The following APC variants were observed in gnomAD, a reference collection of about 807,000 sequenced individuals.
APC encodes the protein adenomatous polyposis coli protein.
A neutral mutation model predicts 247.0 loss-of-function variants in APC; 72 were observed. The ratio of observed to expected loss-of-function variants is 0.29; its 90% CI spans 0.24 to 0.35. APC has a LOEUF of 0.35. Ranked by LOEUF, APC falls within the 10% of genes least tolerant of loss-of-function variation. The probability of loss-of-function intolerance (pLI) is 1.00; values close to 1 mark genes in which losing one functional copy is unlikely to be tolerated. For missense variants in APC, 3,400 were observed against 3,360.7 expected, an observed-to-expected ratio of 1.01 and a Z score of -0.29; for synonymous variants, 1,254 against 1,162.5, an observed-to-expected ratio of 1.08 and a Z score of -1.60.
At chr5:112,797,533 A>G (rs1009241128) in intron 7 of APC, among the ~76,000 whole-genome samples, 2 of 152,222 alleles carry the variant, frequency 1.3e-5, no homozygotes, top group Non-Finnish European at 2.9e-5. Flanking sequence ...ATTATTACAC[A>G]TGATTCAAAA....
chr5:112,719,636 G>A (rs1033198499), intron 1 of APC, among the ~76,000 whole-genome samples: 3 of 151,682 alleles, frequency 2.0e-5, no homozygotes, highest in African/African-American at 7.3e-5. Flanking sequence ...CCAGGTTCAG[G>A]CAATTCTCCT....
chr5:112,747,247 GA>G (rs397792774), intron 1 of APC, among the ~76,000 whole-genome samples: 1 of 151,844 alleles, frequency 6.6e-6, no homozygotes, highest in South Asian at 2.1e-4. Flanking sequence ...CTTGAGGGGG[GA>G]AAACCCTGGA....
At chr5:112,725,137 G>A (rs1230204871) in intron 1 of APC, among the ~76,000 whole-genome samples, 1 of 151,950 alleles carries the variant, frequency 6.6e-6, no homozygotes, top group Admixed American at 6.6e-5. Context: ...ACCACACCCA[G>A]CTAATTTGTA....
chr5:112,780,999 C>A, intron 6 of APC, 96 bp downstream of exon 6: 1 of 854,422 alleles, frequency 1.2e-6, no homozygotes. Flanking sequence ...TTATTAAAGA[C>A]ATAAGGCTGT....
intron 1 of APC, among the ~76,000 whole-genome samples, chr5:112,749,479 ATTTTTTTT>A (rs536428390): frequency 9.6e-6 from 1 of 104,066 alleles, no homozygotes; most frequent in African/African-American, 3.6e-5. Flanking sequence ...TACTGCTCCA[ATTTTTTTT>A]TTTTTTTTTT....
intron 8 of APC, among the ~76,000 whole-genome samples, chr5:112,809,729 G>A (rs966408645): frequency 5.3e-5 from 8 of 152,142 alleles, no homozygotes; most frequent in Admixed American, 3.3e-4. Flanking sequence ...GCAGTCAGGC[G>A]TGATGGCTCA....
In APC at chr5:112,843,501, ATGG is replaced by A. The variant is rs1064794079; in HGVS notation, c.7910_7912del (p.Gly2637del). ...CAGACCGTTTCCTCAGGTGCTACAA[ATGG>A]TGCTGAATCAAAGACTCTAATTTAT... On this transcript the variant is annotated inframe_deletion, in exon 16 of 16. Transcript: ENST00000257430. The surrounding 1 kb of genome is among the most constrained non-coding windows in gnomAD (Gnocchi z 4.8). The A allele has an allele frequency of 6.2e-7, 1 of 1,613,914 alleles. No individual in the cohort carries two copies. The highest frequency in any genetic ancestry group is 2.2e-5 in the East Asian group (1 of 44,878).
At chr5:112,810,081 G>A (rs1348211548) in intron 8 of APC, 1 of 454,588 alleles carries the variant, frequency 2.2e-6, no homozygotes, top group Admixed American at 2.4e-5. Context: ...ATCGTTAACT[G>A]ATACAGACTA....
At chr5:112,799,611 A>T (rs961781279) in intron 7 of APC, among the ~76,000 whole-genome samples, 2 of 152,196 alleles carry the variant, frequency 1.3e-5, no homozygotes, top group South Asian at 2.1e-4. Flanking sequence ...TTGCAACTTT[A>T]TCCATTAATA....
chr5:112,826,572 A>C (rs971003691), intron 11 of APC, among the ~76,000 whole-genome samples: 5 of 145,836 alleles, frequency 3.4e-5, no homozygotes, highest in Admixed American at 2.1e-4. Flanking sequence ...AATTGAACAG[A>C]TGATCATTTT....
At chr5:112,720,494 A>G (rs1236223112) in intron 1 of APC, among the ~76,000 whole-genome samples, 1 of 152,256 alleles carries the variant, frequency 6.6e-6, no homozygotes, top group Non-Finnish European at 1.5e-5. Flanking sequence ...TAAGTCTCTC[A>G]TGAACCCTCC....
intron 1 of APC, among the ~76,000 whole-genome samples, chr5:112,710,406 A>C (rs946924793): frequency 2.6e-5 from 4 of 152,074 alleles, no homozygotes; most frequent in African/African-American, 9.7e-5. Flanking sequence ...CTTTATATAT[A>C]TATATCTCAG....
chr5:112,820,859 C>CT (rs887845292), intron 10 of APC, among the ~76,000 whole-genome samples: 4 of 151,876 alleles, frequency 2.6e-5, no homozygotes, highest in African/African-American at 9.7e-5. Flanking sequence ...TAGCCACATG[C>CT]TTTTTTTCTC....
chr5:112,834,896 A>C (rs1182859224), intron 14 of APC, 55 bp from the exon 15 acceptor site: 3 of 1,472,718 alleles, frequency 2.0e-6, no homozygotes, highest in Non-Finnish European at 2.9e-6. Flanking sequence ...CATAGAAGTT[A>C]ATGAGAGACA....
chr5:112,747,852 G>A (rs976317587), intron 1 of APC, among the ~76,000 whole-genome samples: 1 of 152,192 alleles, frequency 6.6e-6, no homozygotes, highest in African/African-American at 2.4e-5. Flanking sequence ...TTAGTATTAG[G>A]AATTTCTCAA....
chr5:112,777,244 A>C (rs546225689), intron 5 of APC, among the ~76,000 whole-genome samples: 21 of 152,302 alleles, frequency 1.4e-4, no homozygotes, highest in Admixed American at 3.3e-4. Flanking sequence ...AAAAAAGGAA[A>C]ACATTTACGT....
At chr5:112,724,524 G>A (rs76810295) in intron 1 of APC, among the ~76,000 whole-genome samples, 1 of 148,542 alleles carries the variant, frequency 6.7e-6, no homozygotes, top group Non-Finnish European at 1.5e-5. Flanking sequence ...ACAGCTTTTA[G>A]TGAGAAAGAG....
intron 1 of APC, among the ~76,000 whole-genome samples, chr5:112,732,032 G>A (rs368476957): frequency 2.2e-4 from 33 of 152,276 alleles, no homozygotes; most frequent in African/African-American, 6.7e-4. Flanking sequence ...AAAGTGCTGG[G>A]GTTACAGGCA....
At chr5:112,792,196 A>G (rs1308503162) in intron 6 of APC, among the ~76,000 whole-genome samples, 1 of 152,050 alleles carries the variant, frequency 6.6e-6, no homozygotes, top group Non-Finnish European at 1.5e-5. Flanking sequence ...CGGTGAGCTG[A>G]GATTATGCCA....
Sources: allele counts gnomAD v4.1 joint callset (sites outside exome capture counted in the v4.1 genomes callset), GRCh38; gene constraint gnomAD v4.1.1; non-coding constraint Gnocchi (gnomAD v3.1); transcripts MANE v1.5; gene names NCBI Gene and HGNC (gene_info 2026-07-23, HGNC 2026-07-21).